Variants in KANK1 observed in about 807,000 individuals in gnomAD.
KANK1 encodes KN motif and ankyrin repeat domains 1, also known as KN motif and ankyrin repeat domain-containing protein 1.
In KANK1, 109 loss-of-function variants were observed where a neutral mutation model predicts 106.2. The ratio of observed to expected loss-of-function variants is 1.03; its 90% CI spans 0.88 to 1.20. The LOEUF is 1.20. Ranked by LOEUF, KANK1 falls within the 50% of genes most tolerant of loss-of-function variation. KANK1 has a pLI of 0.00. For missense variants in KANK1, 2,399 were observed against 1,710.7 expected (o/e 1.40, Z -7.10); for synonymous variants, 873 against 652.2 (o/e 1.34, Z -5.16).
intron 1 of KANK1, among the ~76,000 whole-genome samples, chr9:663,750 G>A (rs949060296): frequency 6.6e-6 from 1 of 152,190 alleles, no homozygotes; most frequent in African/African-American, 2.4e-5. Flanking sequence ...GAGCCAGCAC[G>A]GGATTCTGAA....
intron 2 of KANK1, among the ~76,000 whole-genome samples, chr9:686,134 T>C (rs956971650): frequency 1.7e-4 from 26 of 152,342 alleles, no homozygotes; most frequent in Admixed American, 1.6e-3. Context: ...CATCAGCTCT[T>C]ACTTTTTTCT....
rs1829600634 is a variant in KANK1, at chr9:722,452, G to A, written c.2699-7599G>A. ...CAGGTGATTCTAAAGGGTAGCTAGG[G>A]TTGAAACGACTGAATTTTGTTTGTT... On this transcript the variant is annotated intron_variant, in intron 3 of 11. Transcript: ENST00000382297. 2.0e-5 allele frequency among the ~76,000 whole-genome samples: 3 copies of A among 152,080 alleles called. No homozygotes were observed. In the South Asian group the frequency reaches 6.2e-4, roughly 32 times the overall value.
At chr9:484,686 T>C (rs551991484) in intron 3 of KANK1, among the ~76,000 whole-genome samples, 51 of 152,336 alleles carry the variant, frequency 3.3e-4, no homozygotes, top group African/African-American at 1.2e-3. Context: ...TTGTTCCTTG[T>C]CTGTTCTCAA....
At chr9:560,550 G>A (rs1022958385) in intron 1 of KANK1, among the ~76,000 whole-genome samples, 1 of 152,196 alleles carries the variant, frequency 6.6e-6, no homozygotes, top group African/African-American at 2.4e-5. Flanking sequence ...TGTCTTTGAA[G>A]ACTCATGTTT....
chr9:493,028 CAAAAAA>C (rs112780058), intron 3 of KANK1, among the ~76,000 whole-genome samples: 6 of 98,542 alleles, frequency 6.1e-5, no homozygotes, highest in African/African-American at 1.8e-4. Flanking sequence ...AACTCCGTCT[CAAAAAA>C]AAAAAAAAAA....
At chr9:589,432 A>G (rs1434266838) in intron 1 of KANK1, among the ~76,000 whole-genome samples, 2 of 152,136 alleles carry the variant, frequency 1.3e-5, no homozygotes, top group Non-Finnish European at 1.5e-5. Context: ...AGAAGGAGCA[A>G]AAGAGGATGC....
intron 2 of KANK1, among the ~76,000 whole-genome samples, chr9:695,424 C>G (rs74371090): frequency 5.7e-4 from 86 of 151,796 alleles, no homozygotes; most frequent in Non-Finnish European, 1.0e-3. Flanking sequence ...GGGACTCCCC[C>G]TTATCTAACT....
Position 711,373 on chromosome 9 carries a change from G to A in KANK1, c.607G>A (p.Gly203Arg), listed in dbSNP as rs775981122. Residue 203 changes from glycine to arginine, a missense_variant, in exon 3 of 12, where the codon GGA becomes AGA. Transcript: ENST00000382297. Reference sequence around the variant, plus strand: ...CTCCCTCCCTTCTTTTGTGGGTTCTGGAAACCACAATCCTGCCAAGCACCA... The same window carrying A: ...CTCCCTCCCTTCTTTTGTGGGTTCTAGAAACCACAATCCTGCCAAGCACCA... ...TSSLPSFVGS[G>R]NHNPAKHQLQ... 3.1e-6 allele frequency: 5 copies of A among 1,614,130 alleles called. No individual in the cohort carries two copies. Among genetic ancestry groups the A allele is most frequent in the Middle Eastern group, 1.7e-4 (1 of 6,060 alleles).
At chr9:664,209 C>A (rs1178836800) in intron 1 of KANK1, among the ~76,000 whole-genome samples, 3 of 152,110 alleles carry the variant, frequency 2.0e-5, no homozygotes, top group Non-Finnish European at 4.4e-5. Context: ...TAATCTACTG[C>A]TCTTCATTCC....
chr9:618,712 A>T (rs902716465), intron 1 of KANK1, among the ~76,000 whole-genome samples: 1 of 152,016 alleles, frequency 6.6e-6, no homozygotes, highest in Non-Finnish European at 1.5e-5. Flanking sequence ...GCTTTTTTTA[A>T]AAAAAAGTCT....
At chr9:727,782 T>A (rs1831137272) in intron 3 of KANK1, among the ~76,000 whole-genome samples, 1 of 152,070 alleles carries the variant, frequency 6.6e-6, no homozygotes, top group African/African-American at 2.4e-5. Context: ...TTATCTGCTT[T>A]TTTCAATTAA....
At chr9:623,991 C>T (rs1833791094) in intron 1 of KANK1, among the ~76,000 whole-genome samples, 1 of 151,434 alleles carries the variant, frequency 6.6e-6, no homozygotes, top group East Asian at 1.9e-4. Context: ...TGCCATTTAT[C>T]TTAGGAATGG....
chr9:586,054 T>TACCTGCTG (rs1823386865), intron 1 of KANK1, among the ~76,000 whole-genome samples: 1 of 152,236 alleles, frequency 6.6e-6, no homozygotes, highest in Non-Finnish European at 1.5e-5. Flanking sequence ...AGCAATATTG[T>TACCTGCTG]TGAGTACCTG....
intron 3 of KANK1, among the ~76,000 whole-genome samples, chr9:482,286 A>C (rs1168538347): frequency 6.6e-6 from 1 of 152,220 alleles, no homozygotes; most frequent in Non-Finnish European, 1.5e-5. Context: ...GACGAGTGTA[A>C]TCCTAAGCAC....
At chr9:542,764 C>A (rs979156672) in intron 1 of KANK1, among the ~76,000 whole-genome samples, 1 of 152,100 alleles carries the variant, frequency 6.6e-6, no homozygotes, top group African/African-American at 2.4e-5. Context: ...TATAGATGAA[C>A]CTATTCATAA....
chr9:493,051 GAAAAC>G (rs2058403500), intron 3 of KANK1, among the ~76,000 whole-genome samples: 1 of 147,534 alleles, frequency 6.8e-6, no homozygotes, highest in Non-Finnish European at 1.5e-5. Flanking sequence ...AAAAAGAAAA[GAAAAC>G]CAGCTGTGGC....
At chr9:505,210 C>G (rs1223975474) in intron 1 of KANK1, among the ~76,000 whole-genome samples, 1 of 152,170 alleles carries the variant, frequency 6.6e-6, no homozygotes, top group African/African-American at 2.4e-5. Context: ...TGAAGCGGCT[C>G]TCCGTGGAGT....
Position 615,874 on chromosome 9 carries a change from A to C in KANK1, c.-83-61016A>C, listed in dbSNP as rs554884374. On this transcript the variant is annotated intron_variant, in intron 1 of 11. Transcript: ENST00000382297. ...AAACAACTGCTGAATCCAGGTGGAA[A>C]AATGCTGGCCTACTTCTGGTCCTTG... Among the ~76,000 whole-genome samples the C allele has an allele frequency of 1.1e-4, 16 of 152,346 alleles. 1 individual carries two copies. The highest frequency in any genetic ancestry group is 3.8e-4 in the African/African-American group (16 of 41,578).
intron 2 of KANK1, among the ~76,000 whole-genome samples, chr9:691,327 C>G (rs960605044): frequency 6.6e-6 from 1 of 151,608 alleles, no homozygotes; most frequent in Non-Finnish European, 1.5e-5. Flanking sequence ...GATCAAGAAA[C>G]ACTACATTCA....
Sources: gnomAD v4.1 joint callset for allele counts (sites outside exome capture counted in the v4.1 genomes callset) on GRCh38, gnomAD v4.1.1 for gene constraint, MANE v1.5 for transcripts, NCBI Gene and HGNC (gene_info 2026-07-23, HGNC 2026-07-21) for gene names.